The following DIAPH3 variants were observed in gnomAD, a reference collection of about 807,000 sequenced individuals.
The protein encoded by DIAPH3 is protein diaphanous homolog 3.
In DIAPH3, 117 loss-of-function variants were observed where a neutral mutation model predicts 144.3. The ratio of observed to expected loss-of-function variants is 0.81; its 90% CI spans 0.70 to 0.95. DIAPH3 has a LOEUF of 0.95. Among genes scored for constraint, DIAPH3 ranks in the 40% least tolerant of loss-of-function variants. DIAPH3 has a pLI of 0.00. For synonymous variants in DIAPH3, 519 were observed against 488.9 expected, an observed-to-expected ratio of 1.06 and a Z score of -0.81; for missense variants, 1,421 against 1,412.7, an observed-to-expected ratio of 1.01 and a Z score of -0.09.
intron 1 of DIAPH3, among the ~76,000 whole-genome samples, chr13:60,136,472 C>CAAAAAAA (rs34487556): frequency 1.2e-5 from 1 of 81,978 alleles, no homozygotes; most frequent in African/African-American, 4.5e-5. Flanking sequence ...TTATATTTAC[C>CAAAAAAA]AAAAAAAAAA....
At chr13:59,915,630 A>G (rs2047185080) in intron 19 of DIAPH3, among the ~76,000 whole-genome samples, 1 of 152,074 alleles carries the variant, frequency 6.6e-6, no homozygotes, top group Non-Finnish European at 1.5e-5. Context: ...TCATTTGAAA[A>G]TACTATGAAT....
intron 4 of DIAPH3, among the ~76,000 whole-genome samples, chr13:60,065,989 A>T (rs1483424219): frequency 2.0e-5 from 3 of 152,294 alleles, no homozygotes; most frequent in Middle Eastern, 6.8e-3. Flanking sequence ...TATATATCAA[A>T]ATAAAATGTC....
At chr13:59,925,171 A>G (rs945492342) in intron 17 of DIAPH3, among the ~76,000 whole-genome samples, 4 of 152,184 alleles carry the variant, frequency 2.6e-5, no homozygotes, top group Non-Finnish European at 5.9e-5. Flanking sequence ...AACTACAATT[A>G]GCTCATTTGA....
chr13:59,691,803 T>C (rs2033538866), intron 27 of DIAPH3, among the ~76,000 whole-genome samples: 1 of 152,192 alleles, frequency 6.6e-6, no homozygotes, highest in African/African-American at 2.4e-5. Flanking sequence ...TGCAGAGGGC[T>C]GACTGAGGGT....
intron 24 of DIAPH3, among the ~76,000 whole-genome samples, chr13:59,815,394 A>G (rs1395186497): frequency 1.3e-5 from 2 of 152,214 alleles, no homozygotes; most frequent in African/African-American, 2.4e-5. Context: ...GAAAAGGACT[A>G]TAAGCATTTT....
chr13:59,671,066 C>A (rs2032348314), intron 27 of DIAPH3, among the ~76,000 whole-genome samples: 2 of 152,134 alleles, frequency 1.3e-5, no homozygotes, highest in Admixed American at 1.3e-4. Flanking sequence ...TTGTTATCAC[C>A]ATTATTTTAA....
chr13:59,731,259 G>C (rs1021966096), intron 27 of DIAPH3, among the ~76,000 whole-genome samples: 2 of 152,126 alleles, frequency 1.3e-5, no homozygotes, highest in African/African-American at 4.8e-5. Context: ...GAGCAACCCA[G>C]CATCTAAAAC....
chr13:60,055,926 A>G (rs1431856084), intron 4 of DIAPH3, among the ~76,000 whole-genome samples: 1 of 151,764 alleles, frequency 6.6e-6, no homozygotes, highest in Non-Finnish European at 1.5e-5. Context: ...TAAAGTTCTG[A>G]CTTTTTTAGT....
chr13:59,978,043 T>C (rs533511259), intron 14 of DIAPH3, among the ~76,000 whole-genome samples: 1 of 151,870 alleles, frequency 6.6e-6, no homozygotes, highest in South Asian at 2.1e-4. Flanking sequence ...GTGAGGGACC[T>C]TTCCTCTAGG....
chr13:59,971,466 A>C (rs1479656238), intron 15 of DIAPH3, among the ~76,000 whole-genome samples: 1 of 152,142 alleles, frequency 6.6e-6, no homozygotes, highest in African/African-American at 2.4e-5. Flanking sequence ...AAGATTTGAA[A>C]ATCAGTAGTC....
intron 19 of DIAPH3, among the ~76,000 whole-genome samples, chr13:59,915,551 T>G: frequency 6.6e-6 from 1 of 152,110 alleles, no homozygotes; most frequent in East Asian, 1.9e-4. Context: ...CAACTTTAAA[T>G]TTTATCAAGA....
At chr13:59,835,476 C>A (rs2041999325) in intron 23 of DIAPH3, among the ~76,000 whole-genome samples, 1 of 151,712 alleles carries the variant, frequency 6.6e-6, no homozygotes, top group South Asian at 2.1e-4. Flanking sequence ...GAGCAGTGAG[C>A]TGTCCATTGG....
At chr13:60,103,153 C>G (rs1367198390) in intron 3 of DIAPH3, among the ~76,000 whole-genome samples, 2 of 151,532 alleles carry the variant, frequency 1.3e-5, no homozygotes, top group Admixed American at 6.6e-5. Flanking sequence ...ATTAGCAAAA[C>G]CGAGGTGGGG....
chr13:60,141,708 CA>C (rs2059428212), intron 1 of DIAPH3, among the ~76,000 whole-genome samples: 1 of 152,078 alleles, frequency 6.6e-6, no homozygotes, highest in South Asian at 2.1e-4. Context: ...ATAAATAAAA[CA>C]AAGATTTTTG....
intron 17 of DIAPH3, among the ~76,000 whole-genome samples, chr13:59,944,165 A>C (rs2048685471): frequency 1.3e-5 from 2 of 152,144 alleles, no homozygotes; most frequent in South Asian, 4.2e-4. Context: ...AGTGTGTGAT[A>C]ATCATGTCAC....
intron 27 of DIAPH3, among the ~76,000 whole-genome samples, chr13:59,764,698 T>C (rs972098597): frequency 1.3e-5 from 2 of 150,894 alleles, no homozygotes; most frequent in Non-Finnish European, 2.9e-5. Context: ...AGACATACAC[T>C]GGAGTGATGC....
chr13:59,702,450 A>G lies in DIAPH3; in HGVS notation c.3320-35604T>C, dbSNP rs1236337917. ...CACAGTGTGGAAAAGCTGTTTATTT[A>G]AAATATTTTATGCTGACAGAGCTTG... On this transcript the variant is annotated intron_variant, in intron 27 of 27. Transcript: ENST00000400324. 2.0e-5 allele frequency among the ~76,000 whole-genome samples: 3 copies of G among 152,352 alleles called. No homozygotes were observed. The East Asian group carries it at 5.8e-4, about 29-fold the overall frequency.
At chr13:59,751,513 G>A (rs1278928210) in intron 27 of DIAPH3, among the ~76,000 whole-genome samples, 1 of 152,156 alleles carries the variant, frequency 6.6e-6, no homozygotes, top group Non-Finnish European at 1.5e-5. Flanking sequence ...TGCTACGAGT[G>A]TTATTTACAA....
intron 5 of DIAPH3, among the ~76,000 whole-genome samples, chr13:60,025,137 A>G (rs2054290407): frequency 6.6e-6 from 1 of 152,080 alleles, no homozygotes; most frequent in Non-Finnish European, 1.5e-5. Context: ...CAGAAATACA[A>G]AGCAGTTATT....
Sources: gnomAD v4.1 joint callset for allele counts (sites outside exome capture counted in the v4.1 genomes callset) on GRCh38, gnomAD v4.1.1 for gene constraint, MANE v1.5 for transcripts, NCBI Gene and HGNC (gene_info 2026-07-23, HGNC 2026-07-21) for gene names.